HMG20A: variants seen among roughly 807,000 people sequenced by gnomAD.
HMG20A encodes the protein high mobility group 20A.
Under a neutral mutation model 43.9 loss-of-function variants are expected in HMG20A, and 17 were observed. That is an observed-to-expected ratio of 0.39 (90% confidence interval 0.27 to 0.58). The LOEUF (loss-of-function observed/expected upper bound fraction) is 0.58, where lower values mean the gene tolerates loss of function less well. HMG20A is among the 20% of genes least tolerant of loss of function. The probability of loss-of-function intolerance (pLI) is 0.59; values close to 1 mark genes in which losing one functional copy is unlikely to be tolerated. For missense variants in HMG20A, 341 were observed against 438.2 expected, an observed-to-expected ratio of 0.78 and a Z score of 1.98; for synonymous variants, 132 against 147.5, an observed-to-expected ratio of 0.89 and a Z score of 0.76.
intron 1 of HMG20A, among the ~76,000 whole-genome samples, chr15:77,453,546 C>A (rs1319968656): frequency 6.6e-6 from 1 of 152,066 alleles, no homozygotes; most frequent in East Asian, 1.9e-4. Flanking sequence ...ATGGTGGTAC[C>A]AGATGTTCCA....
At chr15:77,498,242 G>A in the HMG20A span, among the ~76,000 whole-genome samples, 1 of 152,056 alleles carries the variant, frequency 6.6e-6, no homozygotes, top group Admixed American at 6.6e-5. Context: ...AGCTGCTGCC[G>A]GCACTTTCTT....
At chr15:77,498,837 G>T in the HMG20A span, among the ~76,000 whole-genome samples, 1 of 152,176 alleles carries the variant, frequency 6.6e-6, no homozygotes, top group South Asian at 2.1e-4. Flanking sequence ...AACCCCTTCG[G>T]ATCTCCATCT....
intron 2 of HMG20A, among the ~76,000 whole-genome samples, chr15:77,463,645 A>G (rs1429103985): frequency 6.6e-6 from 1 of 152,218 alleles, no homozygotes; most frequent in East Asian, 1.9e-4. Flanking sequence ...GGAATAGTAT[A>G]GTGGGAGCAG....
At chr15:77,474,987 A>G (rs2072842459) in intron 6 of HMG20A, among the ~76,000 whole-genome samples, 1 of 152,236 alleles carries the variant, frequency 6.6e-6, no homozygotes, top group African/African-American at 2.4e-5. Context: ...CCCAAGAGTT[A>G]GCGAGTATTA....
downstream of HMG20A, among the ~76,000 whole-genome samples, chr15:77,490,563 G>A (rs60027938): frequency 3.3e-5 from 5 of 152,136 alleles, no homozygotes; most frequent in Non-Finnish European, 7.4e-5. Flanking sequence ...TGGCTTACGC[G>A]TGTAATCCCA....
At chr15:77,422,372 C>T (rs977602468) in intron 1 of HMG20A, among the ~76,000 whole-genome samples, 1 of 152,158 alleles carries the variant, frequency 6.6e-6, no homozygotes, top group African/African-American at 2.4e-5. Context: ...AATCACAGCA[C>T]TTTGGGAGGC....
intron 1 of HMG20A, among the ~76,000 whole-genome samples, chr15:77,436,389 G>A (rs1281291318): frequency 1.3e-5 from 2 of 151,840 alleles, no homozygotes; most frequent in Non-Finnish European, 2.9e-5. Flanking sequence ...CCACTGTCAT[G>A]CTATGGTGGA....
intron 1 of HMG20A, 193 bp from the exon 2 acceptor site, chr15:77,458,211 A>G (rs865844849): frequency 1.1e-5 from 5 of 445,390 alleles, no homozygotes; most frequent in Middle Eastern, 1.3e-3. Flanking sequence ...GTCAGTTGAT[A>G]AGACCAAGGT....
At chr15:77,428,706 T>C (rs967762582) in intron 1 of HMG20A, among the ~76,000 whole-genome samples, 3 of 152,202 alleles carry the variant, frequency 2.0e-5, no homozygotes, top group Non-Finnish European at 4.4e-5. Context: ...TGGTGGCTTC[T>C]GTAATCCCAA....
the HMG20A span, among the ~76,000 whole-genome samples, chr15:77,494,501 C>A: frequency 6.6e-6 from 1 of 152,168 alleles, no homozygotes; most frequent in Admixed American, 6.5e-5. Context: ...CCAAGTGAGA[C>A]TTTTCCATTG....
the HMG20A span, among the ~76,000 whole-genome samples, chr15:77,507,261 T>G: frequency 1.3e-5 from 2 of 152,142 alleles, no homozygotes; most frequent in Non-Finnish European, 2.9e-5. Context: ...TGGTTCTGTT[T>G]CCCTGGAGGG....
At position 77,443,807 on chromosome 15, in the gene HMG20A, G is replaced by A. The variant is rs540196343; in HGVS notation, c.-4-14597G>A. On this transcript the variant is annotated intron_variant, in intron 1 of 9. Transcript: ENST00000336216. Reference sequence around the variant, plus strand: ...TGCAGCCTCAACTTCCTGGGCTCCAGCAATCTTCCCACCTCAGCCCAGCCT... The same window carrying A: ...TGCAGCCTCAACTTCCTGGGCTCCAACAATCTTCCCACCTCAGCCCAGCCT... 5.9e-5 allele frequency among the ~76,000 whole-genome samples: 9 copies of A among 152,042 alleles called. No individual in the cohort carries two copies. The East Asian group carries it at 1.7e-3, about 29-fold the overall frequency.
intron 6 of HMG20A, among the ~76,000 whole-genome samples, chr15:77,473,106 G>GA (rs1157917635): frequency 6.6e-6 from 1 of 152,168 alleles, no homozygotes; most frequent in East Asian, 1.9e-4. Context: ...AAAACATAGA[G>GA]AAAAGATTCA....
At chr15:77,519,929 G>A in the HMG20A span, among the ~76,000 whole-genome samples, 1 of 152,140 alleles carries the variant, frequency 6.6e-6, no homozygotes, top group African/African-American at 2.4e-5. Flanking sequence ...GGCCAGGCAC[G>A]GTGGCTCATG....
the HMG20A span, among the ~76,000 whole-genome samples, chr15:77,506,706 C>T: frequency 3.3e-5 from 5 of 152,238 alleles, no homozygotes; most frequent in African/African-American, 9.6e-5. Flanking sequence ...CCGGTTTTCA[C>T]GCCTGCGGAA....
chr15:77,425,192 C>G (rs112460269), intron 1 of HMG20A, among the ~76,000 whole-genome samples: 1 of 152,192 alleles, frequency 6.6e-6, no homozygotes, highest in Non-Finnish European at 1.5e-5. Flanking sequence ...ACCTTTCTTA[C>G]AGCACTTACT....
intron 1 of HMG20A, among the ~76,000 whole-genome samples, chr15:77,443,027 CTTTTTTTTTT>C (rs998172099): frequency 2.5e-5 from 3 of 118,664 alleles, no homozygotes; most frequent in African/African-American, 1.0e-4. Flanking sequence ...CTACTTTGAA[CTTTTTTTTTT>C]TTTTTTTTTT....
chr15:77,481,022 A>G (rs2072902126), intron 9 of HMG20A, among the ~76,000 whole-genome samples: 1 of 152,166 alleles, frequency 6.6e-6, no homozygotes, highest in Non-Finnish European at 1.5e-5. Context: ...TTGAATCTTT[A>G]TTTGTCCTGT....
At chr15:77,424,054 CT>C (rs2073399478) in intron 1 of HMG20A, among the ~76,000 whole-genome samples, 1 of 152,164 alleles carries the variant, frequency 6.6e-6, no homozygotes, top group Non-Finnish European at 1.5e-5. Flanking sequence ...GTAGTTTACT[CT>C]CTAATTTACA....
Sources: allele counts gnomAD v4.1 joint callset (sites outside exome capture counted in the v4.1 genomes callset), GRCh38; gene constraint gnomAD v4.1.1; transcripts MANE v1.5; gene names NCBI Gene and HGNC (gene_info 2026-07-23, HGNC 2026-07-21).